The following CPNE8 variants were observed in gnomAD, a reference collection of about 807,000 sequenced individuals.
CPNE8 encodes the protein copine 8.
A neutral mutation model predicts 81.5 loss-of-function variants in CPNE8; 45 were observed. The observed-to-expected ratio is 0.55, with a 90% CI of 0.44 to 0.71. CPNE8 has a LOEUF of 0.71. Ranked by LOEUF, CPNE8 falls within the 30% of genes least tolerant of loss-of-function variation. The probability of loss-of-function intolerance (pLI) is 0.00; values close to 1 mark genes in which losing one functional copy is unlikely to be tolerated. For synonymous variants in CPNE8, 252 were observed against 226.3 expected (o/e 1.11, Z -1.02); for missense variants, 594 against 672.1 (o/e 0.88, Z 1.28).
intron 10 of CPNE8, among the ~76,000 whole-genome samples, chr12:38,749,524 G>A (rs1356104407): frequency 6.6e-6 from 1 of 152,200 alleles, no homozygotes; most frequent in African/African-American, 2.4e-5. Flanking sequence ...ATAGAGTCTT[G>A]TTGAATGGCT....
chr12:38,738,632 G>C (rs1019794602), intron 10 of CPNE8, among the ~76,000 whole-genome samples: 2 of 151,990 alleles, frequency 1.3e-5, no homozygotes, highest in East Asian at 1.9e-4. Context: ...GATTTTATTT[G>C]ACAACTCAGA....
chr12:38,774,469 T>TA (rs201710109), intron 7 of CPNE8, among the ~76,000 whole-genome samples: 2,222 of 152,204 alleles, frequency 0.015, 19 homozygotes, highest in South Asian at 0.024. Flanking sequence ...TCATTTTAAC[T>TA]AAAAAAATAG....
intron 19 of CPNE8, among the ~76,000 whole-genome samples, chr12:38,664,274 A>G (rs1406861312): frequency 6.6e-6 from 1 of 152,082 alleles, no homozygotes; most frequent in African/African-American, 2.4e-5. Context: ...AAAAAGGATA[A>G]TTACAGAATA....
intron 19 of CPNE8, 117 bp from the exon 20 acceptor site, chr12:38,654,187 T>C (rs973735594): frequency 1.1e-5 from 14 of 1,263,788 alleles, no homozygotes; most frequent in East Asian, 5.6e-5. Context: ...CTGAGAGTAA[T>C]GGAGAGATGG....
intron 6 of CPNE8, among the ~76,000 whole-genome samples, chr12:38,815,031 C>T (rs1943001634): frequency 6.6e-6 from 1 of 152,156 alleles, no homozygotes; most frequent in African/African-American, 2.4e-5. Flanking sequence ...GTCACATCTT[C>T]AATACCCTTT....
At chr12:38,770,946 A>G (rs570740085) in intron 7 of CPNE8, among the ~76,000 whole-genome samples, 2 of 152,304 alleles carry the variant, frequency 1.3e-5, no homozygotes, top group East Asian at 1.9e-4. Flanking sequence ...CTGCATAGTC[A>G]GCCGACTAAT....
Position 38,655,277 on chromosome 12 carries a change from T to C in CPNE8, c.1507-1207A>G, listed in dbSNP as rs527738303. 3.3e-5 allele frequency among the ~76,000 whole-genome samples: 5 copies of C among 152,276 alleles called. No homozygotes were observed. In the South Asian group the frequency reaches 6.2e-4, roughly 19 times the overall value. On this transcript the variant is annotated intron_variant, in intron 19 of 19. Transcript: ENST00000331366. ...CAATACCAAATGCTCCTGTAATAGA[T>C]TGCCTGATTCCATTCTCATTTATAA...
intron 13 of CPNE8, among the ~76,000 whole-genome samples, chr12:38,717,429 GTATATATATATATATA>G (rs57044387): frequency 1.5e-4 from 13 of 87,036 alleles, no homozygotes; most frequent in East Asian, 9.1e-4. Flanking sequence ...AAAGTGTGGT[GTATATATATATATATA>G]TATATATATA....
At chr12:38,714,065 A>G (rs769438602) in intron 13 of CPNE8, among the ~76,000 whole-genome samples, 1 of 152,124 alleles carries the variant, frequency 6.6e-6, no homozygotes, top group Admixed American at 6.5e-5. Context: ...GAGTGTCATA[A>G]CACTTGAGAG....
intron 6 of CPNE8, among the ~76,000 whole-genome samples, chr12:38,806,477 T>C (rs1328971210): frequency 2.7e-5 from 4 of 150,088 alleles, no homozygotes; most frequent in Admixed American, 2.0e-4. Flanking sequence ...TAATCCAGCA[T>C]ATAAACACAA....
At chr12:38,809,427 T>C (rs1942889897) in intron 6 of CPNE8, among the ~76,000 whole-genome samples, 1 of 152,192 alleles carries the variant, frequency 6.6e-6, no homozygotes, top group African/African-American at 2.4e-5. Flanking sequence ...ATGATTATAT[T>C]AGGTGTACCT....
intron 1 of CPNE8, among the ~76,000 whole-genome samples, chr12:38,881,177 T>C (rs1221699540): frequency 6.8e-6 from 1 of 146,878 alleles, no homozygotes; most frequent in Non-Finnish European, 1.5e-5. Flanking sequence ...ACCACTGCAC[T>C]CCAGCCTGGC....
intron 4 of CPNE8, 147 bp downstream of exon 4, chr12:38,848,412 C>T: frequency 2.3e-6 from 3 of 1,301,532 alleles, no homozygotes; most frequent in Non-Finnish European, 3.0e-6. Context: ...AAGCAGGGGG[C>T]TTGCTTGGGC....
intron 3 of CPNE8, 77 bp from the exon 4 acceptor site, chr12:38,848,739 A>G: frequency 2.1e-6 from 3 of 1,414,972 alleles, no homozygotes; most frequent in Non-Finnish European, 2.8e-6. Flanking sequence ...AATATCACAC[A>G]GTTCTTTTAA....
intron 1 of CPNE8, among the ~76,000 whole-genome samples, chr12:38,897,177 C>T (rs1944399905): frequency 6.6e-6 from 1 of 152,022 alleles, no homozygotes. Flanking sequence ...GCCTCAAATT[C>T]TCATTAATCT....
intron 6 of CPNE8, among the ~76,000 whole-genome samples, chr12:38,800,971 G>T (rs1299125247): frequency 4.6e-4 from 69 of 148,782 alleles, no homozygotes; most frequent in African/African-American, 1.6e-3. Flanking sequence ...AGAATAAAAA[G>T]AAATGAGCAA....
intron 6 of CPNE8, among the ~76,000 whole-genome samples, chr12:38,799,746 C>T (rs1050988705): frequency 2.6e-4 from 38 of 146,666 alleles, no homozygotes; most frequent in African/African-American, 7.8e-4. Flanking sequence ...TCTGAGGTAC[C>T]GGGTTCATCT....
At chr12:38,686,615 C>T (rs1008120125) in intron 15 of CPNE8, among the ~76,000 whole-genome samples, 3 of 152,130 alleles carry the variant, frequency 2.0e-5, no homozygotes, top group African/African-American at 7.2e-5. Context: ...CTCAGGAATC[C>T]AGAAGCAGCT....
chr12:38,687,082 G>A (rs1939549614), intron 15 of CPNE8, among the ~76,000 whole-genome samples: 1 of 152,080 alleles, frequency 6.6e-6, no homozygotes, highest in Non-Finnish European at 1.5e-5. Context: ...TAGCATACAT[G>A]TTTTTACTTG....
Sources: allele counts gnomAD v4.1 joint callset (sites outside exome capture counted in the v4.1 genomes callset), GRCh38; gene constraint gnomAD v4.1.1; transcripts MANE v1.5; gene names NCBI Gene and HGNC (gene_info 2026-07-23, HGNC 2026-07-21).